Variants in TLK1 observed in about 807,000 individuals in gnomAD.
TLK1 encodes serine/threonine-protein kinase tousled-like 1.
Under a neutral mutation model 105.3 loss-of-function variants are expected in TLK1, and 24 were observed. The observed-to-expected ratio is 0.23, with a 90% CI of 0.17 to 0.32. The LOEUF is 0.32. Among genes scored for constraint, TLK1 ranks in the 10% least tolerant of loss-of-function variants. TLK1 has a pLI of 1.00. For synonymous variants in TLK1, 321 were observed against 310.4 expected, an observed-to-expected ratio of 1.03 and a Z score of -0.36; for missense variants, 558 against 910.5, an observed-to-expected ratio of 0.61 and a Z score of 4.98.
chr2:171,143,121 G>A (rs564234685), intron 1 of TLK1, among the ~76,000 whole-genome samples: 23 of 152,316 alleles, frequency 1.5e-4, no homozygotes, highest in Non-Finnish European at 2.1e-4. Context: ...ATGAATGCAC[G>A]AATGGACAAA....
At chr2:171,137,774 A>T (rs1325667488) in intron 1 of TLK1, among the ~76,000 whole-genome samples, 1 of 151,680 alleles carries the variant, frequency 6.6e-6, no homozygotes, top group Admixed American at 6.6e-5. Context: ...GCTTGAACCC[A>T]GGAGGTGAAG....
chr2:171,046,716 T>C (rs550834856), intron 10 of TLK1, among the ~76,000 whole-genome samples: 10 of 152,288 alleles, frequency 6.6e-5, no homozygotes, highest in Non-Finnish European at 1.3e-4. Context: ...ATGGTGTCTA[T>C]TTATACAGTA....
intron 11 of TLK1, among the ~76,000 whole-genome samples, chr2:171,037,166 G>A (rs1483812968): frequency 6.6e-6 from 1 of 152,108 alleles, no homozygotes; most frequent in African/African-American, 2.4e-5. Context: ...GATGGGCCTG[G>A]CACGTTGGCT....
chr2:171,049,740 CA>C (rs1164135258), intron 10 of TLK1, 73 bp downstream of exon 10: 12 of 1,569,926 alleles, frequency 7.6e-6, no homozygotes, highest in Non-Finnish European at 9.5e-6. Flanking sequence ...AGCATAATTA[CA>C]AATCTATAAT....
chr2:171,191,813 A>C (rs1339863342), intron 1 of TLK1, among the ~76,000 whole-genome samples: 3 of 152,064 alleles, frequency 2.0e-5, no homozygotes, highest in Non-Finnish European at 2.9e-5. Flanking sequence ...ATACTTTCCT[A>C]AATGTGTCCT....
At chr2:171,139,687 C>A (rs1368352544) in intron 1 of TLK1, among the ~76,000 whole-genome samples, 1 of 152,142 alleles carries the variant, frequency 6.6e-6, no homozygotes, top group African/African-American at 2.4e-5. Flanking sequence ...ATTAAACCTA[C>A]AATTCCAGAT....
chr2:171,119,180 T>C (rs552482533), intron 1 of TLK1, among the ~76,000 whole-genome samples: 20 of 152,328 alleles, frequency 1.3e-4, no homozygotes, highest in African/African-American at 4.8e-4. Context: ...TGTACTACCA[T>C]TTAATTCTTC....
chr2:171,148,890 A>AAAAAAAAAT (rs1445171800), intron 1 of TLK1, among the ~76,000 whole-genome samples: 4 of 138,470 alleles, frequency 2.9e-5, no homozygotes, highest in African/African-American at 1.1e-4. Context: ...AAAAAAAAAA[A>AAAAAAAAAT]ATATATATAT....
intron 1 of TLK1, among the ~76,000 whole-genome samples, chr2:171,140,787 C>T (rs796817251): frequency 3.9e-5 from 6 of 152,096 alleles, no homozygotes; most frequent in African/African-American, 1.2e-4. Flanking sequence ...GAAAATAACG[C>T]AAATAAAATG....
chr2:171,002,938 C>T (rs1190796073), intron 18 of TLK1, among the ~76,000 whole-genome samples: 12 of 152,060 alleles, frequency 7.9e-5, no homozygotes, highest in Admixed American at 2.6e-4. Context: ...CCACCGTGCA[C>T]GGCTTCCATT....
intron 2 of TLK1, among the ~76,000 whole-genome samples, chr2:171,113,322 G>A (rs1293508697): frequency 4.0e-5 from 6 of 150,702 alleles, no homozygotes; most frequent in Admixed American, 3.3e-4. Flanking sequence ...CCAGGCTGGA[G>A]TGCAATGGCA....
At chr2:171,013,430 C>G (rs1480615168) in intron 13 of TLK1, among the ~76,000 whole-genome samples, 1 of 150,694 alleles carries the variant, frequency 6.6e-6, no homozygotes, top group South Asian at 2.1e-4. Context: ...CTCAGTTCCC[C>G]AAGTAGCTGC....
At chr2:171,019,117 TA>T (rs796590531) in intron 12 of TLK1, among the ~76,000 whole-genome samples, 6,734 of 145,834 alleles carry the variant, frequency 0.046, 449 homozygotes, top group African/African-American at 0.14. Flanking sequence ...CAGTTAAAAT[TA>T]AAAAAAAAAA....
chr2:171,001,759 A>ATTAT (rs1401580861), intron 18 of TLK1, among the ~76,000 whole-genome samples: 2 of 151,944 alleles, frequency 1.3e-5, no homozygotes, highest in Non-Finnish European at 2.9e-5. Flanking sequence ...TTTCTCCTCA[A>ATTAT]TTATTTTTTC....
intron 4 of TLK1, 145 bp downstream of exon 4, chr2:171,060,936 G>T: frequency 1.5e-6 from 1 of 683,994 alleles, no homozygotes; most frequent in African/African-American, 1.8e-5. Context: ...AAGCCTAAAA[G>T]CAATCATTAT....
intron 12 of TLK1, among the ~76,000 whole-genome samples, chr2:171,020,658 T>C (rs1685453654): frequency 6.6e-6 from 1 of 152,200 alleles, no homozygotes; most frequent in Admixed American, 6.5e-5. Context: ...CCATATTATA[T>C]GCTTTCCCAT....
At chr2:171,057,085 T>TA (rs1467702249) in intron 5 of TLK1, among the ~76,000 whole-genome samples, 2 of 152,008 alleles carry the variant, frequency 1.3e-5, no homozygotes, top group Non-Finnish European at 2.9e-5. Context: ...ACAAAATCTT[T>TA]AAAAAATCAA....
chr2:171,079,870 T>C (rs764926755), intron 3 of TLK1, among the ~76,000 whole-genome samples: 13 of 152,172 alleles, frequency 8.5e-5, no homozygotes, highest in Non-Finnish European at 1.8e-4. Context: ...GAAAAGGGAT[T>C]GTGGTGAGTT....
intron 1 of TLK1, among the ~76,000 whole-genome samples, chr2:171,213,504 A>G (rs1365253165): frequency 2.0e-5 from 3 of 151,518 alleles, no homozygotes; most frequent in South Asian, 2.1e-4. Context: ...TGCCAGGCCT[A>G]TATCTTTTTT....
Sources: allele counts gnomAD v4.1 joint callset (sites outside exome capture counted in the v4.1 genomes callset), GRCh38; gene constraint gnomAD v4.1.1; transcripts MANE v1.5; gene names NCBI Gene and HGNC (gene_info 2026-07-23, HGNC 2026-07-21).